PPP2R2B: variants seen among roughly 807,000 people sequenced by gnomAD.
The protein encoded by PPP2R2B is protein phosphatase 2 regulatory subunit Bbeta.
PPP2R2B carries 5 observed loss-of-function variants against 46.0 expected under a neutral mutation model. The observed-to-expected ratio is 0.11, with a 90% CI of 0.06 to 0.23. The LOEUF (loss-of-function observed/expected upper bound fraction) is 0.23, where lower values mean the gene tolerates loss of function less well. Among genes scored for constraint, PPP2R2B ranks in the 10% least tolerant of loss-of-function variants. PPP2R2B has a pLI of 1.00. For missense variants in PPP2R2B, 367 were observed against 575.0 expected (o/e 0.64, Z 3.70); for synonymous variants, 215 against 206.7 (o/e 1.04, Z -0.34).
chr5:146,991,341 A>C (rs1434922769), intron 1 of PPP2R2B, among the ~76,000 whole-genome samples: 1 of 152,152 alleles, frequency 6.6e-6, no homozygotes, highest in African/African-American at 2.4e-5. Flanking sequence ...TCTACAGATA[A>C]ATGTATAAAT....
upstream of PPP2R2B, among the ~76,000 whole-genome samples, chr5:146,880,179 T>TTGTGTG (rs57151657): frequency 7.8e-3 from 1,081 of 138,224 alleles, 6 homozygotes; most frequent in Admixed American, 9.6e-3. Context: ...CATAGTTATT[T>TTGTGTG]TGTGTGTGTG....
chr5:146,695,590 T>C (rs180756118), intron 4 of PPP2R2B, among the ~76,000 whole-genome samples: 3 of 152,322 alleles, frequency 2.0e-5, no homozygotes, highest in South Asian at 2.1e-4. Context: ...CATGGTTGGG[T>C]TGCCTGGAGT....
intron 1 of PPP2R2B, among the ~76,000 whole-genome samples, chr5:146,904,140 C>T (rs1762926574): frequency 6.6e-6 from 1 of 152,024 alleles, no homozygotes; most frequent in Non-Finnish European, 1.5e-5. Flanking sequence ...TCCTATAGAA[C>T]CAGAAAGACC....
chr5:146,728,277 C>T (rs1752006819), intron 2 of PPP2R2B, among the ~76,000 whole-genome samples: 1 of 149,930 alleles, frequency 6.7e-6, no homozygotes, highest in African/African-American at 2.5e-5. Context: ...ATGTTTTCTT[C>T]TCAGTATTAT....
intron 5 of PPP2R2B, among the ~76,000 whole-genome samples, chr5:146,690,206 C>A (rs895019484): frequency 1.3e-5 from 2 of 152,182 alleles, no homozygotes; most frequent in African/African-American, 4.8e-5. Context: ...AGGGCTATCC[C>A]AACATGTGCC....
rs528873146 is a variant in PPP2R2B at position 146,669,109 on chromosome 5, G to C, written c.448-18385C>G. On this transcript the variant is annotated intron_variant, in intron 5 of 9. Transcript: ENST00000394411. ...GTGCAGTTCATTTAAAATCACTGTA[G>C]TTGAACATCAAATTATGGTACCTGA... 7.9e-5 allele frequency among the ~76,000 whole-genome samples: 12 copies of C among 152,264 alleles called. No homozygotes were observed. In the South Asian group the frequency reaches 2.5e-3, roughly 32 times the overall value.
intron 1 of PPP2R2B, among the ~76,000 whole-genome samples, chr5:146,906,196 C>G (rs2963073): frequency 0.49 from 74,042 of 151,818 alleles, 19,846 homozygotes; most frequent in East Asian, 0.7. Flanking sequence ...AAAGTAGCTC[C>G]TTAATATATT....
In PPP2R2B at chr5:146,982,447, T is replaced by C. The variant is rs556668280; in HGVS notation, c.79+73218A>G. 1.4e-3 allele frequency among the ~76,000 whole-genome samples: 218 copies of C among 152,318 alleles called. 4 individuals are homozygous for C. Among genetic ancestry groups the C allele is most frequent in the Admixed American group, 4.5e-3 (69 of 15,300 alleles). ...TAATTCTTTAAAATTAGATGACGTT[T>C]GATTTATAGTCCAGGTTATGGTCTA... is the stretch of plus-strand genomic sequence containing the variant. On this transcript the variant is annotated intron_variant, in intron 1 of 8. Transcript: ENST00000336640.
In PPP2R2B at chr5:147,007,181, A is replaced by T. The variant is rs544386847; in HGVS notation, c.79+48484T>A. On this transcript the variant is annotated intron_variant, in intron 1 of 8. Transcript: ENST00000336640. The stretch of plus-strand genomic sequence containing the variant: ...GACCTAAAGAGTTCCCATCCGGAGG[A>T]CACTACAACTGCAGGGCCCCTTCTT... 5.3e-4 allele frequency among the ~76,000 whole-genome samples: 81 copies of T among 152,136 alleles called. 1 individual carries two copies. Among genetic ancestry groups the T allele is most frequent in the African/African-American group, 1.9e-3 (77 of 41,506 alleles).
rs546399251 is a variant in PPP2R2B at position 146,874,286 on chromosome 5, G to A, written c.70+3716C>T. 7.9e-5 allele frequency among the ~76,000 whole-genome samples: 12 copies of A among 152,242 alleles called. 1 individual carries two copies. Among genetic ancestry groups the A allele is most frequent in the South Asian group, 6.2e-4 (3 of 4,814 alleles). On this transcript the variant is annotated intron_variant, in intron 2 of 9. Transcript: ENST00000394411. ...ACATCCCGTATCACCTCTGCAAAACGTCAGTATTTGTTGAAGGAATTAAAG... is the reference window on the plus strand; with the variant it reads ...ACATCCCGTATCACCTCTGCAAAACATCAGTATTTGTTGAAGGAATTAAAG...
intron 1 of PPP2R2B, among the ~76,000 whole-genome samples, chr5:147,009,404 G>A (rs1754606791): frequency 6.6e-6 from 1 of 152,100 alleles, no homozygotes; most frequent in Non-Finnish European, 1.5e-5. Flanking sequence ...GAATGAGGTA[G>A]GGGATACATA....
intron 2 of PPP2R2B, among the ~76,000 whole-genome samples, chr5:146,768,798 A>T (rs532604946): frequency 2.0e-5 from 3 of 151,928 alleles, no homozygotes; most frequent in South Asian, 4.2e-4. Flanking sequence ...TTGCTGTCGC[A>T]TCTGCCTAGT....
intron 2 of PPP2R2B, among the ~76,000 whole-genome samples, chr5:146,863,193 G>C (rs1761112143): frequency 6.6e-6 from 1 of 152,070 alleles, no homozygotes; most frequent in African/African-American, 2.4e-5. Flanking sequence ...ATCCTATTAA[G>C]TGACCAGAAG....
At chr5:146,730,854 T>C (rs1187177624) in intron 2 of PPP2R2B, among the ~76,000 whole-genome samples, 1 of 152,086 alleles carries the variant, frequency 6.6e-6, no homozygotes, top group Non-Finnish European at 1.5e-5. Flanking sequence ...TAAACTTATA[T>C]CATTAAAAAG....
chr5:146,777,052 A>C (rs1049828214), intron 2 of PPP2R2B, among the ~76,000 whole-genome samples: 2 of 152,090 alleles, frequency 1.3e-5, no homozygotes, highest in Admixed American at 1.3e-4. Flanking sequence ...GAGGAATGTA[A>C]AATAATGCAG....
Position 146,878,194 on chromosome 5 carries a change from G to T in PPP2R2B, c.-123C>A. 1 of 1,582,772 alleles carries T rather than the reference G, an allele frequency of 6.3e-7. No homozygotes were observed. Among genetic ancestry groups the T allele is most frequent in the Admixed American group, 1.9e-5 (1 of 53,976 alleles). On this transcript the variant is annotated splice_region_variant and 5_prime_UTR_variant, in exon 2 of 10. Coordinates refer to ENST00000394411, the MANE Select transcript of PPP2R2B (RefSeq NM_181675.4). The surrounding 1 kb of genome is among the most constrained non-coding windows in gnomAD (Gnocchi z 4.5). ...CCAGTGGGACTGCACCATGGTCCGA[G>T]CCTGAGGAGGAGACGGGGAGGCGGA...
Position 146,588,713 on chromosome 5 carries a change from G to T in PPP2R2B, c.*1234C>A, listed in dbSNP as rs1770306513. The T allele has an allele frequency of 6.6e-6, 1 of 151,052 alleles. No homozygotes were observed. The highest frequency in any genetic ancestry group is 1.5e-5 in the Non-Finnish European group (1 of 68,044). The allele number at this position is 151,052 out of a possible 1,614,324, so 9.4% of individuals were successfully genotyped here. ...GGAAAAGGATGAACCATCTTCCACA[G>T]CTTCAAGTGGACTTCATTCACTTCA... On this transcript the variant is annotated 3_prime_UTR_variant, in exon 10 of 10. Transcript: ENST00000394411.
intron 1 of PPP2R2B, among the ~76,000 whole-genome samples, chr5:146,905,773 A>G (rs1042347480): frequency 6.6e-6 from 1 of 152,198 alleles, no homozygotes; most frequent in Non-Finnish European, 1.5e-5. Flanking sequence ...TATTCATATA[A>G]CATTATAGAA....
At chr5:146,671,538 C>T (rs2151121887) in intron 5 of PPP2R2B, among the ~76,000 whole-genome samples, 1 of 152,278 alleles carries the variant, frequency 6.6e-6, no homozygotes, top group South Asian at 2.1e-4. Flanking sequence ...CACAGTAGTG[C>T]CTAATACTTA....
Sources: allele counts gnomAD v4.1 joint callset (sites outside exome capture counted in the v4.1 genomes callset), GRCh38; gene constraint gnomAD v4.1.1; non-coding constraint Gnocchi (gnomAD v3.1); transcripts MANE v1.5; gene names NCBI Gene and HGNC (gene_info 2026-07-23, HGNC 2026-07-21).